The following SPATS2 variants were observed in gnomAD, a reference collection of about 807,000 sequenced individuals.
The protein encoded by SPATS2 is spermatogenesis-associated serine-rich protein 2.
A neutral mutation model predicts 63.7 loss-of-function variants in SPATS2; 38 were observed. The observed-to-expected ratio is 0.60, with a 90% CI of 0.46 to 0.78. SPATS2 has a LOEUF of 0.78. Ranked by LOEUF, SPATS2 falls within the 30% of genes least tolerant of loss-of-function variation. The probability of loss-of-function intolerance (pLI) is 0.00; values close to 1 mark genes in which losing one functional copy is unlikely to be tolerated. For missense variants in SPATS2, 588 were observed against 666.2 expected, an observed-to-expected ratio of 0.88 and a Z score of 1.29; for synonymous variants, 207 against 232.9, an observed-to-expected ratio of 0.89 and a Z score of 1.01.
In SPATS2 at chr12:49,393,395, AT is replaced by A. The variant is rs370243284; in HGVS notation, c.-244+22112del. Among the ~76,000 whole-genome samples the A allele has an allele frequency of 2.0e-3, 307 of 152,056 alleles. 1 individual carries two copies. Among genetic ancestry groups the A allele is most frequent in the African/African-American group, 6.8e-3 (283 of 41,506 alleles). On this transcript the variant is annotated intron_variant, in intron 2 of 13. Coordinates refer to ENST00000552918, the MANE Select transcript of SPATS2 (RefSeq NM_023071.4). Reference sequence around the variant, plus strand: ...TTACATTAAGGCATACAAAATAGGGATTTTTTTCTAATTTTATTATTATTCT... The same window carrying A: ...TTACATTAAGGCATACAAAATAGGGATTTTTTCTAATTTTATTATTATTCT...
chr12:49,437,162 G>A (rs1945323787), intron 2 of SPATS2, among the ~76,000 whole-genome samples: 1 of 151,822 alleles, frequency 6.6e-6, no homozygotes, highest in African/African-American at 2.4e-5. Flanking sequence ...CGGGGCGGTT[G>A]CCAGGCAGAG....
chr12:49,463,412 C>CAAAAAAAA (rs557932750), intron 3 of SPATS2: 1 of 75,962 alleles, frequency 1.3e-5, no homozygotes, highest in Non-Finnish European at 2.5e-5. Flanking sequence ...GACTCTGTCT[C>CAAAAAAAA]AAAAAAAAAA....
chr12:49,416,949 A>T (rs1330152475), intron 2 of SPATS2, among the ~76,000 whole-genome samples: 1 of 152,174 alleles, frequency 6.6e-6, no homozygotes, highest in Non-Finnish European at 1.5e-5. Flanking sequence ...CCTATCAACA[A>T]GTTTTGGAAG....
intron 3 of SPATS2, among the ~76,000 whole-genome samples, chr12:49,476,001 G>A (rs1408022397): frequency 6.6e-6 from 1 of 152,064 alleles, no homozygotes; most frequent in Non-Finnish European, 1.5e-5. Context: ...AGGGTGGAAG[G>A]GCATGGTCCC....
At chr12:49,472,689 T>G (rs1336517161) in intron 3 of SPATS2, among the ~76,000 whole-genome samples, 1 of 149,490 alleles carries the variant, frequency 6.7e-6, no homozygotes, top group Non-Finnish European at 1.5e-5. Context: ...AAATGCAAAT[T>G]GAAACCCTAA....
At chr12:49,494,628 A>G (rs1946434363) in intron 6 of SPATS2, 113 bp from the exon 7 acceptor site, 3 of 1,052,526 alleles carry the variant, frequency 2.9e-6, no homozygotes, top group African/African-American at 1.6e-5. Flanking sequence ...CTGAAAGAAC[A>G]TACAAGAAAT....
chr12:49,463,868 AG>A (rs1565735000), intron 3 of SPATS2, among the ~76,000 whole-genome samples: 3 of 152,234 alleles, frequency 2.0e-5, no homozygotes, highest in Non-Finnish European at 4.4e-5. Flanking sequence ...TGAAATACTT[AG>A]TGGAGTTAAA....
At chr12:49,513,757 T>C (rs909134575) in intron 9 of SPATS2, among the ~76,000 whole-genome samples, 6 of 152,148 alleles carry the variant, frequency 3.9e-5, no homozygotes, top group African/African-American at 1.4e-4. Context: ...GACATACAAG[T>C]CCTAATCATG....
At chr12:49,407,320 T>G (rs1944714007) in intron 2 of SPATS2, among the ~76,000 whole-genome samples, 1 of 152,168 alleles carries the variant, frequency 6.6e-6, no homozygotes, top group South Asian at 2.1e-4. Flanking sequence ...CAAATGAGGT[T>G]GTCACTCCTT....
rs10687716 is a variant in SPATS2 at position 49,374,958 on chromosome 12, C to CAAAAAAAAAA, written c.-244+3686_-244+3695dup. Reference sequence around the variant, plus strand: ...CCTGGGAAACAGCGAGGATCTGTCTCAAAAAAAAAAAAAAAAAAAAAAAAA... The same window carrying CAAAAAAAAAA: ...CCTGGGAAACAGCGAGGATCTGTCTCAAAAAAAAAAAAAAAAAAAAAAAAAAAAAAAAAAA... On this transcript the variant is annotated intron_variant, in intron 2 of 13. Transcript: ENST00000552918. 5.7e-4 allele frequency among the ~76,000 whole-genome samples: 14 copies of CAAAAAAAAAA among 24,738 alleles called. 1 individual carries two copies. Among genetic ancestry groups the CAAAAAAAAAA allele is most frequent in the African/African-American group, 1.4e-3 (11 of 7,628 alleles). 16.2% of individuals were successfully genotyped at this position (24,738 alleles called of 152,430 possible). A position where few individuals can be genotyped will look rare whatever the true frequency, so the allele number is the denominator to read the frequency against.
intron 2 of SPATS2, among the ~76,000 whole-genome samples, chr12:49,377,963 T>C (rs1009958643): frequency 2.6e-5 from 4 of 152,094 alleles, no homozygotes; most frequent in African/African-American, 9.7e-5. Flanking sequence ...TTGTTGCATT[T>C]TGTTTTATTT....
intron 9 of SPATS2, among the ~76,000 whole-genome samples, chr12:49,508,369 G>A (rs1347978122): frequency 6.6e-6 from 1 of 152,012 alleles, no homozygotes; most frequent in Non-Finnish European, 1.5e-5. Flanking sequence ...CACTACACCC[G>A]GCTAATTTTT....
chr12:49,525,002 A>T, intron 13 of SPATS2, 106 bp downstream of exon 13: 1 of 1,144,916 alleles, frequency 8.7e-7, no homozygotes, highest in Non-Finnish European at 1.2e-6. Context: ...TTCCCATTCC[A>T]TGCCTGTTTT....
At chr12:49,367,175 T>C (rs530170291), upstream of SPATS2, 65 of 167,938 alleles carry the variant, frequency 3.9e-4, no homozygotes, top group South Asian at 0.012. Context: ...GCGCGGGCCG[T>C]CTCGCCGCTC....
Position 49,383,297 on chromosome 12 carries a change from G to A in SPATS2, c.-244+12007G>A, listed in dbSNP as rs189949467. Among the ~76,000 whole-genome samples, 250 of 152,052 alleles carry A rather than the reference G, an allele frequency of 1.6e-3. 2 individuals carry two copies. The highest frequency in any genetic ancestry group is 0.014 in the Middle Eastern group (4 of 294). ...GCCTCTCAAAGTGCTGGGATTACAG[G>A]TGTGAGACACCATGCCTGGATTGTA... On this transcript the variant is annotated intron_variant, in intron 2 of 13. Transcript: ENST00000552918.
intron 2 of SPATS2, among the ~76,000 whole-genome samples, chr12:49,398,978 G>T (rs1944559940): frequency 1.3e-5 from 2 of 152,108 alleles, no homozygotes; most frequent in African/African-American, 4.8e-5. Context: ...AGCATGCTTT[G>T]TCTCCAGTAC....
intron 8 of SPATS2, among the ~76,000 whole-genome samples, chr12:49,498,145 A>ATATATATATAT (rs1555191173): frequency 2.7e-4 from 27 of 98,946 alleles, no homozygotes; most frequent in African/African-American, 9.8e-4. Context: ...AAAAAAAAAA[A>ATATATATATAT]ATATATATAT....
intron 2 of SPATS2, among the ~76,000 whole-genome samples, chr12:49,433,257 G>C (rs1945217215): frequency 6.6e-6 from 1 of 152,154 alleles, no homozygotes; most frequent in Admixed American, 6.6e-5. Context: ...CCGCCTCCCA[G>C]GTTCAAGCGA....
intron 2 of SPATS2, among the ~76,000 whole-genome samples, chr12:49,382,419 G>T (rs1487635006): frequency 6.6e-6 from 1 of 152,142 alleles, no homozygotes; most frequent in South Asian, 2.1e-4. Context: ...AAGATATTTT[G>T]TGCTGATACA....
Sources: allele counts gnomAD v4.1 joint callset (sites outside exome capture counted in the v4.1 genomes callset), GRCh38; gene constraint gnomAD v4.1.1; transcripts MANE v1.5; gene names NCBI Gene and HGNC (gene_info 2026-07-23, HGNC 2026-07-21).